The following LRP1B variants were observed in gnomAD, a reference collection of about 807,000 sequenced individuals.
LRP1B encodes the protein low-density lipoprotein receptor-related protein 1B.
A neutral mutation model predicts 556.6 loss-of-function variants in LRP1B; 217 were observed. The ratio of observed to expected loss-of-function variants is 0.39; its 90% CI spans 0.35 to 0.44. The LOEUF is 0.44. Ranked by LOEUF, LRP1B falls within the 20% of genes least tolerant of loss-of-function variation. The pLI, the probability that LRP1B is intolerant of heterozygous loss-of-function variation, is 1.00. For missense variants in LRP1B, 5,053 were observed against 5,620.8 expected, an observed-to-expected ratio of 0.90 and a Z score of 3.23; for synonymous variants, 2,047 against 1,865.8, an observed-to-expected ratio of 1.10 and a Z score of -2.50.
At chr2:140,457,684 T>C (rs779707538) in intron 60 of LRP1B, 33 bp from the exon 61 acceptor site, 1 of 1,553,646 alleles carries the variant, frequency 6.4e-7, no homozygotes, top group South Asian at 1.1e-5. Context: ...TAATGTTCAG[T>C]CTTGGAAGAC....
chr2:141,181,478 A>T (rs1352607666), intron 7 of LRP1B, among the ~76,000 whole-genome samples: 1 of 151,102 alleles, frequency 6.6e-6, no homozygotes, highest in African/African-American at 2.4e-5. Context: ...GACATTGAAT[A>T]CTAGAAACAG....
intron 2 of LRP1B, among the ~76,000 whole-genome samples, chr2:141,630,057 A>G (rs1415146111): frequency 6.6e-6 from 1 of 152,128 alleles, no homozygotes; most frequent in Non-Finnish European, 1.5e-5. Flanking sequence ...CTCACCCCCT[A>G]TAGCTAACAA....
chr2:141,119,904 C>T (rs887606980), intron 7 of LRP1B, among the ~76,000 whole-genome samples: 7 of 151,958 alleles, frequency 4.6e-5, no homozygotes, highest in African/African-American at 1.4e-4. Flanking sequence ...TCATCTATCA[C>T]CCTGAAGATC....
chr2:141,357,899 C>T (rs761092694), intron 3 of LRP1B, among the ~76,000 whole-genome samples: 5 of 152,070 alleles, frequency 3.3e-5, no homozygotes, highest in Non-Finnish European at 7.4e-5. Flanking sequence ...TAATTCTGGA[C>T]TGTTGTGCAA....
At chr2:140,506,302 TG>T (rs1353632843) in intron 53 of LRP1B, among the ~76,000 whole-genome samples, 1 of 143,508 alleles carries the variant, frequency 7.0e-6, no homozygotes. Context: ...TGGAGTGCAG[TG>T]GCATGATCTC....
chr2:140,407,737 A>C (rs1284579732), intron 66 of LRP1B, among the ~76,000 whole-genome samples: 4 of 152,094 alleles, frequency 2.6e-5, no homozygotes, highest in African/African-American at 9.7e-5. Context: ...GTGGGAATGT[A>C]AATTAGTACA....
intron 2 of LRP1B, among the ~76,000 whole-genome samples, chr2:141,785,266 T>C (rs1472340767): frequency 6.6e-6 from 1 of 151,880 alleles, no homozygotes; most frequent in African/African-American, 2.4e-5. Flanking sequence ...ATGGAGAAGG[T>C]TGTCAGCTAA....
At chr2:140,701,637 A>G in intron 40 of LRP1B, 84 bp downstream of exon 40, 4 of 1,373,528 alleles carry the variant, frequency 2.9e-6, no homozygotes, top group South Asian at 2.7e-5. Flanking sequence ...TTATAGAAGA[A>G]TTTCTAAGTT....
At chr2:140,722,982 G>A (rs1367944550) in intron 35 of LRP1B, among the ~76,000 whole-genome samples, 1 of 152,198 alleles carries the variant, frequency 6.6e-6, no homozygotes, top group Non-Finnish European at 1.5e-5. Flanking sequence ...GGCAGTGATT[G>A]CAGTGAGCCG....
At chr2:141,416,478 ATC>A in intron 3 of LRP1B, among the ~76,000 whole-genome samples, 1 of 113,502 alleles carries the variant, frequency 8.8e-6, no homozygotes, top group East Asian at 2.5e-4. Context: ...TTGAGACAGG[ATC>A]TCTCACTCTG....
At chr2:141,356,756 T>C (rs1436802463) in intron 3 of LRP1B, among the ~76,000 whole-genome samples, 1 of 152,130 alleles carries the variant, frequency 6.6e-6, no homozygotes, top group Non-Finnish European at 1.5e-5. Context: ...TGTTGTATAT[T>C]TGCAGGAAAA....
In LRP1B at chr2:141,276,658, C is replaced by CTTTTTT. The variant is rs11353705; in HGVS notation, c.344-22023_344-22018dup. On this transcript the variant is annotated intron_variant, in intron 3 of 90. Transcript: ENST00000389484. Reference sequence around the variant, plus strand: ...TATTTTTTTCTTTCTTTCTTTCTTTCTTTTTTTTTTTTTTTTGAGACAGAG... The same window carrying CTTTTTT: ...TATTTTTTTCTTTCTTTCTTTCTTTCTTTTTTTTTTTTTTTTTTTTTTGAGACAGAG... Among the ~76,000 whole-genome samples the CTTTTTT allele has an allele frequency of 1.2e-3, 150 of 122,910 alleles. 1 individual carries two copies. Among genetic ancestry groups the CTTTTTT allele is most frequent in the African/African-American group, 4.3e-3 (139 of 32,498 alleles). 80.6% of individuals were successfully genotyped at this position (122,910 alleles called of 152,430 possible).
chr2:141,861,706 G>A (rs571507098), intron 1 of LRP1B, among the ~76,000 whole-genome samples: 1 of 152,288 alleles, frequency 6.6e-6, no homozygotes, highest in South Asian at 2.1e-4. Flanking sequence ...GTAGCGGGTG[G>A]ATGACCTGAG....
chr2:140,718,427 C>T (rs1687286766), intron 35 of LRP1B, among the ~76,000 whole-genome samples: 1 of 152,062 alleles, frequency 6.6e-6, no homozygotes, highest in Non-Finnish European at 1.5e-5. Flanking sequence ...CCAACCACGT[C>T]ATACTGTCTA....
Position 140,510,867 on chromosome 2 carries a change from A to G in LRP1B, c.8270-811T>C, listed in dbSNP as rs75594616. 5.0e-3 allele frequency among the ~76,000 whole-genome samples: 763 copies of G among 152,254 alleles called. 5 individuals are homozygous for G. The highest frequency in any genetic ancestry group is 0.011 in the South Asian group (53 of 4,822). ...TTCCCGTTATGATCATAGGGTAGCC[A>G]TATGTCAAATGGCCCTCCCTCATGA... is the stretch of plus-strand genomic sequence containing the variant. On this transcript the variant is annotated intron_variant, in intron 51 of 90. Coordinates refer to ENST00000389484, the MANE Select transcript of LRP1B (RefSeq NM_018557.3).
chr2:140,524,029 A>T (rs1409443195), intron 49 of LRP1B, among the ~76,000 whole-genome samples: 2 of 151,988 alleles, frequency 1.3e-5, no homozygotes, highest in Admixed American at 1.3e-4. Context: ...CTATCAACAG[A>T]GTAAACAGGT....
intron 2 of LRP1B, among the ~76,000 whole-genome samples, chr2:141,714,684 G>A (rs910100468): frequency 3.4e-4 from 52 of 152,228 alleles, no homozygotes; most frequent in African/African-American, 1.2e-3. Flanking sequence ...GCAGGAAGCT[G>A]CATTCTGAGC....
intron 56 of LRP1B, among the ~76,000 whole-genome samples, chr2:140,494,008 A>G (rs1688811038): frequency 6.6e-6 from 1 of 152,210 alleles, no homozygotes; most frequent in Non-Finnish European, 1.5e-5. Flanking sequence ...TATAAAATTA[A>G]TCAGTCATGT....
At chr2:140,735,564 G>C (rs116715362) in intron 35 of LRP1B, among the ~76,000 whole-genome samples, 11,202 of 152,214 alleles carry the variant, frequency 0.074, 570 homozygotes, top group Middle Eastern at 0.13. Context: ...CTGGGAACCT[G>C]AAAGATGGGA....
Sources: allele counts gnomAD v4.1 joint callset (sites outside exome capture counted in the v4.1 genomes callset), GRCh38; gene constraint gnomAD v4.1.1; transcripts MANE v1.5; gene names NCBI Gene and HGNC (gene_info 2026-07-23, HGNC 2026-07-21).